The following DPP6 variants were observed in gnomAD, a reference collection of about 807,000 sequenced individuals.
The protein encoded by DPP6 is dipeptidyl peptidase like 6.
In DPP6, 69 loss-of-function variants were observed where a neutral mutation model predicts 122.6. That is an observed-to-expected ratio of 0.56 (90% CI 0.46 to 0.69). DPP6 has a LOEUF of 0.69. DPP6 is among the 30% of genes least tolerant of loss of function. DPP6 has a pLI of 0.00. For synonymous variants in DPP6, 418 were observed against 433.1 expected (o/e 0.97, Z 0.43); for missense variants, 928 against 1,116.9 (o/e 0.83, Z 2.41).
chr7:154,128,047 T>C (rs970366581), intron 1 of DPP6, among the ~76,000 whole-genome samples: 1 of 149,880 alleles, frequency 6.7e-6, no homozygotes, highest in Non-Finnish European at 1.5e-5. Context: ...GAGGGATGCC[T>C]GGCAACACAG....
At chr7:153,749,283 T>C in the DPP6 span, among the ~76,000 whole-genome samples, 1 of 152,152 alleles carries the variant, frequency 6.6e-6, no homozygotes, top group East Asian at 1.9e-4. This position sits in a 1 kb window ranked among gnomAD's most constrained non-coding sequence, Gnocchi z 4.1. Flanking sequence ...GATCCTACCC[T>C]GCTTTGCGGC....
At chr7:154,037,223 G>T (rs1292717103) in intron 1 of DPP6, among the ~76,000 whole-genome samples, 1 of 152,160 alleles carries the variant, frequency 6.6e-6, no homozygotes. Flanking sequence ...AGCCAGCTTT[G>T]ACCCTGCGAG....
intron 7 of DPP6, among the ~76,000 whole-genome samples, chr7:154,684,447 A>C (rs1839476892): frequency 6.6e-6 from 1 of 152,262 alleles, no homozygotes; most frequent in African/African-American, 2.4e-5. Flanking sequence ...TGGGTGACTC[A>C]GTCAATTAAG....
chr7:154,056,973 C>T (rs186777650), intron 1 of DPP6, among the ~76,000 whole-genome samples: 2 of 152,342 alleles, frequency 1.3e-5, no homozygotes, highest in East Asian at 1.9e-4. Context: ...TCCCATTACT[C>T]TCATCACCAA....
chr7:154,385,791 G>A (rs549906245), intron 1 of DPP6, among the ~76,000 whole-genome samples: 1 of 152,258 alleles, frequency 6.6e-6, no homozygotes, highest in Admixed American at 6.5e-5. Flanking sequence ...GAGAAAGCAA[G>A]AAGGATGGTA....
At chr7:154,612,804 G>A (rs575003204) in intron 5 of DPP6, among the ~76,000 whole-genome samples, 70 of 152,284 alleles carry the variant, frequency 4.6e-4, no homozygotes, top group African/African-American at 1.6e-3. Flanking sequence ...TCAACATGTG[G>A]TGTTTTCATT....
intron 16 of DPP6, among the ~76,000 whole-genome samples, chr7:154,818,152 A>T (rs1427544874): frequency 1.3e-5 from 2 of 152,198 alleles, no homozygotes; most frequent in African/African-American, 4.8e-5. Flanking sequence ...AATAGAAGTG[A>T]CAGCATGTCA....
intron 1 of DPP6, among the ~76,000 whole-genome samples, chr7:154,057,175 G>A (rs1800899349): frequency 6.6e-6 from 1 of 152,186 alleles, no homozygotes; most frequent in South Asian, 2.1e-4. Context: ...CTAAAGGATG[G>A]CCACCCTGTT....
At position 154,023,318 on chromosome 7, in the gene DPP6, G is replaced by GCACGCACA. The variant is rs373378162; in HGVS notation, c.51+135587_51+135588insGCACACAC. Among the ~76,000 whole-genome samples the GCACGCACA allele has an allele frequency of 7.6e-4, 98 of 129,598 alleles. 1 individual carries two copies. Among genetic ancestry groups the GCACGCACA allele is most frequent in the African/African-American group, 3.0e-3 (95 of 31,158 alleles). The allele number at this position is 129,598 out of a possible 152,430, so 85.0% of individuals were successfully genotyped here. ...CAGGCTCTGGAAATGTTTCTTGTCT[G>GCACGCACA]CACACACACACACACACACACACAC... On this transcript the variant is annotated intron_variant, in intron 1 of 25. Transcript: ENST00000404039.
At chr7:154,646,034 A>AAAAAAAAAG (rs1836452099) in intron 6 of DPP6, among the ~76,000 whole-genome samples, 1 of 150,116 alleles carries the variant, frequency 6.7e-6, no homozygotes, top group Non-Finnish European at 1.5e-5. Flanking sequence ...TCTCAAAAAA[A>AAAAAAAAAG]AAAAAAAAAA....
chr7:154,685,087 C>T (rs3807231), intron 7 of DPP6, among the ~76,000 whole-genome samples: 16,510 of 152,160 alleles, frequency 0.11, 1,113 homozygotes, highest in East Asian at 0.21. Flanking sequence ...CAGAGTCAGC[C>T]GTCTCCCACT....
chr7:154,227,229 C>CACACACACACAT (rs1205969216), intron 1 of DPP6, among the ~76,000 whole-genome samples: 9 of 151,024 alleles, frequency 6.0e-5, no homozygotes, highest in Non-Finnish European at 1.3e-4. Flanking sequence ...CACACACACA[C>CACACACACACAT]ACCCCTAGGA....
At chr7:154,550,820 G>T (rs1215512224) in intron 4 of DPP6, among the ~76,000 whole-genome samples, 11 of 148,004 alleles carry the variant, frequency 7.4e-5, no homozygotes, top group Admixed American at 6.9e-4. Flanking sequence ...GCGCGATCTC[G>T]GCTCACTGCA....
chr7:154,794,907 G>C (rs1484797976), intron 11 of DPP6, among the ~76,000 whole-genome samples: 2 of 30,372 alleles, frequency 6.6e-5, no homozygotes, highest in Non-Finnish European at 1.5e-4. Context: ...ACTCCTTTTT[G>C]ATCTTAAGTT....
intron 1 of DPP6, among the ~76,000 whole-genome samples, chr7:154,109,471 T>C (rs1428780159): frequency 6.6e-6 from 1 of 151,974 alleles, no homozygotes; most frequent in Non-Finnish European, 1.5e-5. Flanking sequence ...TTTGTATTTT[T>C]AGTAGAGATA....
chr7:154,868,116 C>A, intron 18 of DPP6, 23 bp downstream of exon 18: 1 of 1,576,290 alleles, frequency 6.3e-7, no homozygotes, highest in Non-Finnish European at 8.6e-7. Flanking sequence ...TTTTTCCCCT[C>A]TAAAAGAAAA....
chr7:153,780,359 CT>C, the DPP6 span, among the ~76,000 whole-genome samples: 2 of 151,864 alleles, frequency 1.3e-5, no homozygotes, highest in African/African-American at 4.8e-5. Context: ...CTCTACTGAC[CT>C]TTTTTTTAAA....
At chr7:154,475,121 T>C (rs1388844590) in intron 3 of DPP6, 84 bp downstream of exon 3, 7 of 1,031,082 alleles carry the variant, frequency 6.8e-6, no homozygotes, top group Admixed American at 3.5e-5. Context: ...GTAATTTGCC[T>C]CTCGGATTTC....
At chr7:154,888,851 G>A (rs1323225166) in intron 23 of DPP6, among the ~76,000 whole-genome samples, 1 of 152,210 alleles carries the variant, frequency 6.6e-6, no homozygotes, top group South Asian at 2.1e-4. Context: ...TCATGCTGAA[G>A]GCAAGGAGGA....
Sources: allele counts gnomAD v4.1 joint callset (sites outside exome capture counted in the v4.1 genomes callset), GRCh38; gene constraint gnomAD v4.1.1; non-coding constraint Gnocchi (gnomAD v3.1); transcripts MANE v1.5; gene names NCBI Gene and HGNC (gene_info 2026-07-23, HGNC 2026-07-21).